The following CASP9 variants were observed in gnomAD, a reference collection of about 807,000 sequenced individuals.
The protein encoded by CASP9 is caspase 9, also known as caspase-9.
A neutral mutation model predicts 43.5 loss-of-function variants in CASP9; 29 were observed. The ratio of observed to expected loss-of-function variants is 0.67; its 90% CI spans 0.50 to 0.91. CASP9 has a LOEUF of 0.91. CASP9 is among the 40% of genes least tolerant of loss of function. The probability of loss-of-function intolerance (pLI) is 0.00; values close to 1 mark genes in which losing one functional copy is unlikely to be tolerated. For synonymous variants in CASP9, 206 were observed against 211.9 expected (o/e 0.97, Z 0.24); for missense variants, 575 against 537.4 (o/e 1.07, Z -0.69).
intron 7 of CASP9, 25 bp from the exon 8 acceptor site, chr1:15,494,026 C>T: frequency 1.3e-6 from 2 of 1,556,056 alleles, no homozygotes; most frequent in Non-Finnish European, 1.7e-6. Context: ...GGGCTGAACA[C>T]TGCTGGAGAG....
At chr1:15,503,054 G>A (rs1294424148) in intron 6 of CASP9, among the ~76,000 whole-genome samples, 2 of 152,146 alleles carry the variant, frequency 1.3e-5, no homozygotes, top group Non-Finnish European at 2.9e-5. Context: ...TTATTAAAAT[G>A]AACCAATCAC....
upstream of CASP9, chr1:15,524,585 C>T (rs1483683546): frequency 7.1e-6 from 7 of 992,638 alleles, no homozygotes; most frequent in South Asian, 2.5e-5. Context: ...GCACTGACCT[C>T]ACGTCACCGC....
At position 15,507,024 on chromosome 1, in the gene CASP9, C is replaced by T. The variant is rs1709552418; in HGVS notation, c.505G>A (p.Val169Met). 4 of 1,614,078 alleles carry T rather than the reference C, an allele frequency of 2.5e-6. No individual in the cohort carries two copies. The highest frequency in any genetic ancestry group is 1.6e-4 in the Middle Eastern group (1 of 6,082). The part of the protein sequence containing the change: ...PCGHCLIINN[V>M]NFCRESGLRT... ...AGCCCGGACTCACGGCAGAAGTTCA[C>T]ATTGTTGATAATGAGGCAGTGGCCA... is the stretch of plus-strand genomic sequence containing the variant. The change falls in exon 4 of 9, where the codon GTG becomes ATG. Residue 169 changes from valine (V) to methionine (M), a missense_variant. Transcript: ENST00000333868.
intron 1 of CASP9, among the ~76,000 whole-genome samples, chr1:15,523,011 G>A (rs765655262): frequency 1.3e-5 from 2 of 152,202 alleles, no homozygotes; most frequent in Non-Finnish European, 2.9e-5. Flanking sequence ...GCACTGGCCA[G>A]GGATATCCAG....
chr1:15,521,960 C>T (rs1418676481), intron 1 of CASP9, among the ~76,000 whole-genome samples: 4 of 152,142 alleles, frequency 2.6e-5, no homozygotes, highest in Non-Finnish European at 4.4e-5. Context: ...CAGCACAGAC[C>T]TACAGTGCCA....
chr1:15,507,805 G>T (rs1709582586), intron 3 of CASP9, 68 bp downstream of exon 3: 1 of 1,494,282 alleles, frequency 6.7e-7, no homozygotes, highest in South Asian at 1.1e-5. Context: ...CTGCAGGGAA[G>T]GACCTGAGGG....
chr1:15,498,729 T>A (rs1475102442), intron 6 of CASP9, among the ~76,000 whole-genome samples: 3 of 148,700 alleles, frequency 2.0e-5, no homozygotes, highest in Non-Finnish European at 4.4e-5. Flanking sequence ...ATTCCATGGA[T>A]CTTGAAAGTG....
At chr1:15,515,911 C>G (rs1709929587) in intron 2 of CASP9, among the ~76,000 whole-genome samples, 1 of 151,824 alleles carries the variant, frequency 6.6e-6, no homozygotes, top group African/African-American at 2.4e-5. Context: ...TTAAAATTGG[C>G]CAGGCATGGG....
At chr1:15,501,435 A>C (rs1321140071) in intron 6 of CASP9, among the ~76,000 whole-genome samples, 1 of 151,854 alleles carries the variant, frequency 6.6e-6, no homozygotes, top group African/African-American at 2.4e-5. Context: ...TTTTAAATTA[A>C]ATATTTTTAA....
intron 2 of CASP9, among the ~76,000 whole-genome samples, chr1:15,514,612 T>A (rs1320562100): frequency 6.6e-6 from 1 of 152,200 alleles, no homozygotes; most frequent in African/African-American, 2.4e-5. Context: ...GTAAGTAGCA[T>A]ATAATGACAG....
At chr1:15,504,478 G>A (rs1274318010) in intron 6 of CASP9, 133 bp downstream of exon 6, 2 of 856,334 alleles carry the variant, frequency 2.3e-6, no homozygotes, top group African/African-American at 1.7e-5. Context: ...CTGCCAAAAA[G>A]GGACCATGTG....
In CASP9 at chr1:15,506,976, T is replaced by C. The variant is rs751227269; in HGVS notation, c.553A>G (p.Ile185Val). The change falls in exon 4 of 9, where the codon ATC (isoleucine) becomes GTC (valine). Residue 185 changes from isoleucine to valine, a missense_variant. Physicochemically the swap from Ile to Val is conservative, Grantham distance 29. Transcript: ENST00000333868. ...CGACGCCGCAACTTCTCACAGTCGA[T>C]GTTGGAGCCAGTGCGGGTGCGGAGC... is the stretch of plus-strand genomic sequence containing the variant. ...SGLRTRTGSN[I>V]DCEKLRRRFS... 17 of 1,614,040 alleles carry C rather than the reference T, an allele frequency of 1.1e-5. No individual in the cohort carries two copies. The highest frequency in any genetic ancestry group is 3.3e-5 in the Admixed American group (2 of 60,002).
intron 6 of CASP9, 95 bp from the exon 7 acceptor site, chr1:15,495,547 G>A (rs1709075713): frequency 4.5e-6 from 5 of 1,102,402 alleles, no homozygotes; most frequent in Admixed American, 3.7e-5. Context: ...TACATTAACA[G>A]TGTGAAAGGA....
intron 6 of CASP9, among the ~76,000 whole-genome samples, chr1:15,504,399 C>T (rs1192154339): frequency 6.6e-6 from 1 of 152,222 alleles, no homozygotes; most frequent in East Asian, 1.9e-4. Context: ...TGCCACTGTG[C>T]CATGAAACAG....
intron 6 of CASP9, among the ~76,000 whole-genome samples, chr1:15,500,215 A>G (rs1709270623): frequency 6.6e-6 from 1 of 152,214 alleles, no homozygotes; most frequent in East Asian, 1.9e-4. Flanking sequence ...AGTAGGAGTG[A>G]TCCAGAGGGT....
intron 1 of CASP9, among the ~76,000 whole-genome samples, chr1:15,519,112 T>C (rs972984536): frequency 9.2e-5 from 14 of 151,420 alleles, no homozygotes; most frequent in African/African-American, 3.4e-4. Flanking sequence ...TGACCTCAAG[T>C]GATCCTCCAG....
chr1:15,517,018 A>C (rs892336180), intron 2 of CASP9, among the ~76,000 whole-genome samples: 7 of 152,326 alleles, frequency 4.6e-5, no homozygotes, highest in Admixed American at 3.9e-4. Context: ...AAGCACTCCG[A>C]ACGGTGCCTG....
At chr1:15,519,334 C>A (rs1351063505) in intron 1 of CASP9, among the ~76,000 whole-genome samples, 1 of 152,138 alleles carries the variant, frequency 6.6e-6, no homozygotes, top group Non-Finnish European at 1.5e-5. Context: ...CACCCACCAC[C>A]ATGCCTGGCT....
intron 6 of CASP9, among the ~76,000 whole-genome samples, chr1:15,497,265 C>T (rs1008365796): frequency 1.4e-5 from 2 of 142,222 alleles, no homozygotes; most frequent in Non-Finnish European, 3.0e-5. Flanking sequence ...GAGTCAAGAT[C>T]GTGCCATTGC....
Sources: allele counts gnomAD v4.1 joint callset (sites outside exome capture counted in the v4.1 genomes callset), GRCh38; gene constraint gnomAD v4.1.1; transcripts MANE v1.5; gene names NCBI Gene and HGNC (gene_info 2026-07-23, HGNC 2026-07-21).